PUDP: variants seen among roughly 807,000 people sequenced by gnomAD.
PUDP encodes the protein pseudouridine 5'-phosphatase.
Under a neutral mutation model 9.4 loss-of-function variants are expected in PUDP, and 8 were observed. The observed-to-expected ratio is 0.85, with a 90% CI of 0.50 to 1.53. The LOEUF (loss-of-function observed/expected upper bound fraction) is 1.53. Ranked by LOEUF, PUDP falls within the 40% of genes most tolerant of loss-of-function variation. PUDP has a pLI of 0.00. For synonymous variants in PUDP, 99 were observed against 80.7 expected, an observed-to-expected ratio of 1.23 and a Z score of -1.22; for missense variants, 188 against 189.7, an observed-to-expected ratio of 0.99 and a Z score of 0.05.
At chrX:6,752,010 A>G (rs7876255) in intron 3 of PUDP, among the ~76,000 whole-genome samples, 3,316 of 110,823 alleles carry the variant, frequency 0.03, 125 homozygotes, top group African/African-American at 0.1. Flanking sequence ...ATCATTTCCT[A>G]AATTCCTCTT....
intron 1 of PUDP, among the ~76,000 whole-genome samples, chrX:7,145,566 T>TA (rs1394862582): frequency 9.3e-6 from 1 of 107,218 alleles, no homozygotes; most frequent in African/African-American, 3.4e-5. Context: ...AACTGACTCT[T>TA]ACCTTGGTCA....
chrX:6,809,946 G>C (rs1926115261), intron 3 of PUDP, among the ~76,000 whole-genome samples: 1 of 110,727 alleles, frequency 9.0e-6, no homozygotes, highest in Non-Finnish European at 1.9e-5. Context: ...TGAGTTTGCT[G>C]GCATGCACCT....
At chrX:6,975,102 G>C (rs948589130) in intron 3 of PUDP, among the ~76,000 whole-genome samples, 3 of 109,787 alleles carry the variant, frequency 2.7e-5, no homozygotes, top group African/African-American at 9.9e-5. Flanking sequence ...ATTCTAGTTA[G>C]CAATTCCTTT....
chrX:6,840,165 A>G (rs1404189659), intron 3 of PUDP, among the ~76,000 whole-genome samples: 1 of 111,454 alleles, frequency 9.0e-6, no homozygotes, highest in East Asian at 2.8e-4. Flanking sequence ...ATGGTTTTAC[A>G]TGAGGTTTTC....
intron 3 of PUDP, among the ~76,000 whole-genome samples, chrX:6,874,228 G>C (rs1927217693): frequency 9.0e-6 from 1 of 111,099 alleles, no homozygotes; most frequent in Non-Finnish European, 1.9e-5. Flanking sequence ...CTTTTAGGGG[G>C]GGTCTCATTC....
chrX:7,025,303 A>T (rs1034969968), intron 1 of PUDP, among the ~76,000 whole-genome samples: 3 of 111,981 alleles, frequency 2.7e-5, no homozygotes, highest in Admixed American at 9.5e-5. Flanking sequence ...TGCTATATAG[A>T]TTAACACCAC....
intron 3 of PUDP, among the ~76,000 whole-genome samples, chrX:6,896,098 T>C (rs774228025): frequency 8.9e-6 from 1 of 112,197 alleles, no homozygotes; most frequent in Non-Finnish European, 1.9e-5. Flanking sequence ...TTTTCATTAG[T>C]GGATTTGTGA....
At chrX:6,706,730 A>G (rs905870737) in intron 1 of PUDP, among the ~76,000 whole-genome samples, 5 of 111,837 alleles carry the variant, frequency 4.5e-5, no homozygotes, top group African/African-American at 6.5e-5. Flanking sequence ...GCCCTTTGCC[A>G]GCTGCCTAAA....
chrX:6,805,935 C>A (rs1389537285), intron 3 of PUDP, among the ~76,000 whole-genome samples: 1 of 111,752 alleles, frequency 8.9e-6, no homozygotes, highest in Admixed American at 9.5e-5. Context: ...CAAACAGGCA[C>A]ATTTAAATGA....
At chrX:6,828,186 C>T (rs780091246) in intron 3 of PUDP, among the ~76,000 whole-genome samples, 2 of 111,162 alleles carry the variant, frequency 1.8e-5, no homozygotes, top group Non-Finnish European at 3.8e-5. Context: ...TTTGCAACAC[C>T]GTTTCATAGC....
intron 3 of PUDP, among the ~76,000 whole-genome samples, chrX:6,798,250 A>G (rs748255823): frequency 9.1e-6 from 1 of 110,452 alleles, no homozygotes; most frequent in South Asian, 3.9e-4. Flanking sequence ...GTGCAGGAAA[A>G]CTCCTGTTTG....
At chrX:7,051,819 T>C (rs1460322495) in intron 3 of PUDP, among the ~76,000 whole-genome samples, 1 of 112,358 alleles carries the variant, frequency 8.9e-6, no homozygotes, top group Non-Finnish European at 1.9e-5. Context: ...TGGCACACAC[T>C]TCATGTGAAA....
At chrX:6,820,452 C>T (rs767950853) in intron 3 of PUDP, among the ~76,000 whole-genome samples, 2 of 111,667 alleles carry the variant, frequency 1.8e-5, no homozygotes, top group Non-Finnish European at 3.8e-5. Flanking sequence ...AGTCCAAAGT[C>T]TCATCTGAGA....
At chrX:6,835,699 T>G (rs1434194767) in intron 3 of PUDP, among the ~76,000 whole-genome samples, 1 of 111,268 alleles carries the variant, frequency 9.0e-6, no homozygotes, top group Non-Finnish European at 1.9e-5. Flanking sequence ...ATTTCACCAC[T>G]TATACATTGC....
At chrX:6,904,277 G>A (rs987225068) in intron 3 of PUDP, among the ~76,000 whole-genome samples, 4 of 110,778 alleles carry the variant, frequency 3.6e-5, no homozygotes, top group African/African-American at 1.3e-4. Context: ...TAATGTGGGT[G>A]TAGAACAGCT....
At chrX:7,079,951 C>A (rs1041499972) in intron 2 of PUDP, among the ~76,000 whole-genome samples, 24 of 110,839 alleles carry the variant, frequency 2.2e-4, no homozygotes, top group Middle Eastern at 4.7e-3. Context: ...AAATTAAACC[C>A]AAAACAAATA....
At chrX:6,849,938 A>C (rs1569110670) in intron 3 of PUDP, among the ~76,000 whole-genome samples, 1 of 112,012 alleles carries the variant, frequency 8.9e-6, no homozygotes, top group Non-Finnish European at 1.9e-5. Context: ...TCCATTCCAA[A>C]CATAGCATTC....
At chrX:7,083,545 T>C (rs1463227022) in intron 2 of PUDP, among the ~76,000 whole-genome samples, 8 of 110,652 alleles carry the variant, frequency 7.2e-5, no homozygotes, top group African/African-American at 2.3e-4. Context: ...TGGGATGCGG[T>C]TCAAGACAGT....
upstream of PUDP, among the ~76,000 whole-genome samples, chrX:6,726,194 C>A (rs148621837): frequency 0.017 from 1,944 of 111,280 alleles, 44 homozygotes; most frequent in African/African-American, 0.06. Context: ...TTAAAATGGG[C>A]ATGGCCGTGT....
Sources: allele counts gnomAD v4.1 joint callset (sites outside exome capture counted in the v4.1 genomes callset), GRCh38; gene constraint gnomAD v4.1.1; transcripts MANE v1.5; gene names NCBI Gene and HGNC (gene_info 2026-07-23, HGNC 2026-07-21).